PAK1: variants seen among roughly 807,000 people sequenced by gnomAD.
PAK1 encodes serine/threonine-protein kinase PAK 1.
PAK1 carries 29 observed loss-of-function variants against 67.4 expected under a neutral mutation model. The ratio of observed to expected loss-of-function variants is 0.43; its 90% CI spans 0.32 to 0.59. The LOEUF (loss-of-function observed/expected upper bound fraction) is 0.59, where lower values mean the gene tolerates loss of function less well. Ranked by LOEUF, PAK1 falls within the 20% of genes least tolerant of loss-of-function variation. PAK1 has a pLI of 0.07. For synonymous variants in PAK1, 223 were observed against 237.4 expected (o/e 0.94, Z 0.56); for missense variants, 337 against 670.7 (o/e 0.50, Z 5.50).
the PAK1 span, among the ~76,000 whole-genome samples, chr11:77,503,072 C>T: frequency 6.6e-6 from 1 of 152,146 alleles, no homozygotes; most frequent in African/African-American, 2.4e-5. Flanking sequence ...AGTTATCTGG[C>T]TTGGCAATGC....
At chr11:77,515,066 A>G in the PAK1 span, 1 of 152,236 alleles carries the variant, frequency 6.6e-6, no homozygotes, top group African/African-American at 2.4e-5. Flanking sequence ...ATTGAATAGC[A>G]ATAATTTTTT....
intron 12 of PAK1, 39 bp downstream of exon 12, chr11:77,337,285 A>G (rs1942863902): frequency 9.5e-7 from 1 of 1,051,230 alleles, no homozygotes; most frequent in Admixed American, 1.9e-5. Context: ...AGGGCCCCAC[A>G]GGCAGAGAAG....
At chr11:77,500,707 G>A in the PAK1 span, among the ~76,000 whole-genome samples, 5 of 152,064 alleles carry the variant, frequency 3.3e-5, no homozygotes, top group Non-Finnish European at 7.4e-5. Flanking sequence ...AGCTGGGTGT[G>A]ATGATGCATG....
intron 5 of PAK1, among the ~76,000 whole-genome samples, chr11:77,363,885 G>A (rs1947132303): frequency 6.6e-6 from 1 of 152,224 alleles, no homozygotes; most frequent in Non-Finnish European, 1.5e-5. Context: ...CTGGCATTCT[G>A]GGCAAGGGAT....
intron 14 of PAK1, among the ~76,000 whole-genome samples, chr11:77,327,597 C>T (rs1185481971): frequency 2.0e-5 from 3 of 152,154 alleles, no homozygotes; most frequent in Non-Finnish European, 4.4e-5. Context: ...GAGATTTTGT[C>T]ACCACCAGGC....
At chr11:77,327,786 A>G (rs1299395831) in intron 14 of PAK1, among the ~76,000 whole-genome samples, 7 of 152,138 alleles carry the variant, frequency 4.6e-5, no homozygotes, top group Non-Finnish European at 8.8e-5. Context: ...ACATAACAAT[A>G]TTAACTTTAA....
intron 1 of PAK1, among the ~76,000 whole-genome samples, chr11:77,440,885 T>G (rs1197638758): frequency 6.6e-6 from 1 of 150,722 alleles, no homozygotes; most frequent in African/African-American, 2.5e-5. Flanking sequence ...CTCTACCTGC[T>G]CCTCCCACCT....
intron 1 of PAK1, among the ~76,000 whole-genome samples, chr11:77,462,159 T>A (rs1215061227): frequency 6.6e-6 from 1 of 151,672 alleles, no homozygotes; most frequent in Non-Finnish European, 1.5e-5. Flanking sequence ...ACCCCTTCTC[T>A]ACTAAAAATA....
rs754891861 is a variant in PAK1 at position 77,325,317 on chromosome 11, C to T, written c.1552-1957G>A. 9.3e-6 allele frequency: 15 copies of T among 1,613,694 alleles called. No homozygotes were observed. In the South Asian group the frequency reaches 1.6e-4, roughly 18 times the overall value. ...AGCCAAACAGGCTGAAATCCTGGAT[C>T]TGCTACTTACCAGCTATCATGGAAA... On this transcript the variant is annotated intron_variant, in intron 14 of 14. Coordinates refer to ENST00000356341, the MANE Select transcript of PAK1 (RefSeq NM_002576.5).
At chr11:77,491,872 C>A in the PAK1 span, among the ~76,000 whole-genome samples, 5 of 152,112 alleles carry the variant, frequency 3.3e-5, no homozygotes, top group African/African-American at 9.7e-5. Flanking sequence ...ATGGACTAAA[C>A]GCTCCAGTCA....
At chr11:77,470,707 C>A (rs770729768) in intron 1 of PAK1, among the ~76,000 whole-genome samples, 4 of 152,200 alleles carry the variant, frequency 2.6e-5, no homozygotes, top group Non-Finnish European at 5.9e-5. Flanking sequence ...ACAAAAACCA[C>A]AGGAGACCAG....
chr11:77,486,526 G>A, the PAK1 span, among the ~76,000 whole-genome samples: 66 of 152,262 alleles, frequency 4.3e-4, no homozygotes, highest in African/African-American at 1.5e-3. Context: ...TACTTAAAGA[G>A]CACATAAAAG....
chr11:77,384,673 C>T (rs965696933), intron 2 of PAK1, among the ~76,000 whole-genome samples: 4 of 152,086 alleles, frequency 2.6e-5, no homozygotes, highest in African/African-American at 9.7e-5. Flanking sequence ...TGTGTAATTC[C>T]ATTTATATGA....
chr11:77,336,429 C>T (rs1462020509), intron 12 of PAK1, 147 bp from the exon 13 acceptor site: 4 of 528,650 alleles, frequency 7.6e-6, no homozygotes, highest in African/African-American at 1.9e-5. Flanking sequence ...ACTTGACTAC[C>T]ACCTTCATGT....
At chr11:77,481,695 T>C in the PAK1 span, among the ~76,000 whole-genome samples, 2 of 139,102 alleles carry the variant, frequency 1.4e-5, no homozygotes, top group Non-Finnish European at 3.0e-5. Flanking sequence ...AAAAAAAAAT[T>C]ACGTCTTTTC....
chr11:77,428,885 A>G (rs1192581142), intron 1 of PAK1, among the ~76,000 whole-genome samples: 1 of 151,502 alleles, frequency 6.6e-6, no homozygotes, highest in African/African-American at 2.4e-5. Context: ...TAGGGTACCA[A>G]AGCCCAAGCA....
At chr11:77,329,922 C>T in intron 14 of PAK1, among the ~76,000 whole-genome samples, 1 of 152,120 alleles carries the variant, frequency 6.6e-6, no homozygotes, top group Non-Finnish European at 1.5e-5. Flanking sequence ...AGCTGATAAG[C>T]AACTTCAGCT....
chr11:77,329,223 C>T (rs909120638), intron 14 of PAK1: 2 of 152,346 alleles, frequency 1.3e-5, no homozygotes, highest in African/African-American at 4.8e-5. Flanking sequence ...GAAATGGTAC[C>T]ATTCCTTCTG....
At chr11:77,485,547 C>T in the PAK1 span, among the ~76,000 whole-genome samples, 1 of 152,166 alleles carries the variant, frequency 6.6e-6, no homozygotes, top group Admixed American at 6.5e-5. Flanking sequence ...GCAATCTCAG[C>T]TCACTGCAAC....
Sources: allele counts gnomAD v4.1 joint callset (sites outside exome capture counted in the v4.1 genomes callset), GRCh38; gene constraint gnomAD v4.1.1; transcripts MANE v1.5; gene names NCBI Gene and HGNC (gene_info 2026-07-23, HGNC 2026-07-21).